AGBL4: variants seen among roughly 807,000 people sequenced by gnomAD.
AGBL4 encodes the protein cytosolic carboxypeptidase 6.
In AGBL4, 58 loss-of-function variants were observed where a neutral mutation model predicts 66.4. The ratio of observed to expected loss-of-function variants is 0.87; its 90% CI spans 0.71 to 1.09. The LOEUF is 1.09. AGBL4 is among the 50% of genes least tolerant of loss of function. AGBL4 has a pLI of 0.00. For synonymous variants in AGBL4, 234 were observed against 222.9 expected, an observed-to-expected ratio of 1.05 and a Z score of -0.44; for missense variants, 579 against 631.0, an observed-to-expected ratio of 0.92 and a Z score of 0.88.
intron 1 of AGBL4, among the ~76,000 whole-genome samples, chr1:49,966,528 G>A (rs1657577582): frequency 6.6e-6 from 1 of 152,054 alleles, no homozygotes; most frequent in African/African-American, 2.4e-5. Flanking sequence ...AGCACAGAGT[G>A]GTGATTAAAC....
chr1:50,023,803 T>C lies in AGBL4; in HGVS notation c.-7A>G. 1.3e-6 allele frequency: 2 copies of C among 1,549,268 alleles called. No individual in the cohort carries two copies. The highest frequency in any genetic ancestry group is 1.7e-6 in the Non-Finnish European group (2 of 1,146,002). On this transcript the variant is annotated 5_prime_UTR_variant, in exon 1 of 14. Transcript: ENST00000371839. ...ACTGGCTCCCCTCCGCCATTTTTGTTGTCCCTCAGTCTCCGAGCTCACGCG... is the reference window on the plus strand; with the variant it reads ...ACTGGCTCCCCTCCGCCATTTTTGTCGTCCCTCAGTCTCCGAGCTCACGCG...
At chr1:49,271,809 C>A (rs1644066819) in intron 3 of AGBL4, among the ~76,000 whole-genome samples, 1 of 152,260 alleles carries the variant, frequency 6.6e-6, no homozygotes, top group East Asian at 1.9e-4. Context: ...CCCCTTCACC[C>A]CATTTGTGGG....
chr1:49,048,547 A>G (rs186490264), intron 4 of AGBL4: 2 of 152,234 alleles, frequency 1.3e-5, no homozygotes, highest in Admixed American at 6.5e-5. Context: ...ACAGAAATCT[A>G]TTTGAGGAGG....
intron 3 of AGBL4, among the ~76,000 whole-genome samples, chr1:49,602,827 AT>A (rs1644986760): frequency 8.2e-6 from 1 of 121,368 alleles, no homozygotes; most frequent in Non-Finnish European, 1.7e-5. Context: ...AGTACAATAA[AT>A]AAATAAATAA....
chr1:49,872,243 A>C (rs936033355), intron 1 of AGBL4, among the ~76,000 whole-genome samples: 2 of 152,028 alleles, frequency 1.3e-5, no homozygotes, highest in Non-Finnish European at 2.9e-5. Context: ...CTCTCGATCT[A>C]ATTTCTCCAA....
At chr1:48,829,344 A>G (rs1443335294) in intron 6 of AGBL4, among the ~76,000 whole-genome samples, 1 of 152,252 alleles carries the variant, frequency 6.6e-6, no homozygotes, top group East Asian at 1.9e-4. Context: ...GCCGTTGGCC[A>G]CAATGCTTTA....
intron 3 of AGBL4, among the ~76,000 whole-genome samples, chr1:49,403,864 C>T (rs573101399): frequency 6.6e-6 from 1 of 152,222 alleles, no homozygotes; most frequent in East Asian, 1.9e-4. Context: ...GGGCCAACTC[C>T]AACAAACTTA....
intron 6 of AGBL4, among the ~76,000 whole-genome samples, chr1:48,688,180 T>C (rs570017541): frequency 6.3e-4 from 96 of 152,252 alleles, no homozygotes; most frequent in African/African-American, 2.2e-3. Flanking sequence ...AGGAGACATT[T>C]ATGCCACTGC....
At chr1:49,769,523 A>T (rs1457686247) in intron 2 of AGBL4, among the ~76,000 whole-genome samples, 5 of 152,220 alleles carry the variant, frequency 3.3e-5, no homozygotes, top group Non-Finnish European at 7.3e-5. Flanking sequence ...TCTAAGCAGA[A>T]AAAGAAAGAG....
chr1:49,304,092 T>C (rs935961665), intron 3 of AGBL4, among the ~76,000 whole-genome samples: 21 of 152,216 alleles, frequency 1.4e-4, no homozygotes, highest in Admixed American at 1.0e-3. Flanking sequence ...GATTTTCTTC[T>C]AGGGTTTTTA....
intron 3 of AGBL4, among the ~76,000 whole-genome samples, chr1:49,325,928 C>T (rs1207979863): frequency 6.6e-6 from 1 of 152,156 alleles, no homozygotes; most frequent in Admixed American, 6.5e-5. Context: ...TCTGCCTTTG[C>T]CTTCCACCAT....
chr1:49,669,804 T>C (rs1416338195), intron 3 of AGBL4, among the ~76,000 whole-genome samples: 1 of 152,072 alleles, frequency 6.6e-6, no homozygotes, highest in African/African-American at 2.4e-5. Context: ...AAAATTAAGT[T>C]TCCAGTGTAT....
intron 1 of AGBL4, among the ~76,000 whole-genome samples, chr1:49,857,845 G>C (rs1646472257): frequency 6.6e-6 from 1 of 151,930 alleles, no homozygotes; most frequent in Non-Finnish European, 1.5e-5. Flanking sequence ...ACAGGCAACA[G>C]AAACAAAAAT....
chr1:49,638,753 C>A lies in AGBL4; in HGVS notation c.282+58560G>T, dbSNP rs898237781. Among the ~76,000 whole-genome samples, 4 of 152,186 alleles carry A rather than the reference C, an allele frequency of 2.6e-5. No homozygotes were observed. The South Asian group carries it at 6.2e-4, about 24-fold the overall frequency. On this transcript the variant is annotated intron_variant, in intron 3 of 13. Coordinates refer to ENST00000371839, the MANE Select transcript of AGBL4 (RefSeq NM_032785.4). ...TGCTGTGATTGTGAGGCCTTCCCAG[C>A]CATGTGGAACCATGAGTCCACTAAA...
At chr1:50,013,463 T>C (rs1223112881) in intron 1 of AGBL4, among the ~76,000 whole-genome samples, 1 of 152,156 alleles carries the variant, frequency 6.6e-6, no homozygotes, top group African/African-American at 2.4e-5. Context: ...GTGATGCAAA[T>C]TAAAGACCCC....
At chr1:49,245,581 C>T (rs2148328438) in intron 4 of AGBL4, among the ~76,000 whole-genome samples, 189 bp downstream of exon 4, 1 of 151,952 alleles carries the variant, frequency 6.6e-6, no homozygotes, top group East Asian at 1.9e-4. Context: ...AACTCATCCT[C>T]ATTCTTCTCA....
intron 3 of AGBL4, among the ~76,000 whole-genome samples, chr1:49,262,201 A>G (rs1211067452): frequency 3.3e-5 from 5 of 152,212 alleles, no homozygotes; most frequent in Non-Finnish European, 5.9e-5. Flanking sequence ...TAAAACCATA[A>G]AAACCCTAGA....
chr1:49,393,246 T>C (rs1038624700), intron 3 of AGBL4, among the ~76,000 whole-genome samples: 3 of 152,088 alleles, frequency 2.0e-5, no homozygotes, highest in Non-Finnish European at 4.4e-5. Context: ...AGTAAAATAA[T>C]AAATATAACA....
intron 3 of AGBL4, among the ~76,000 whole-genome samples, chr1:49,336,959 T>C (rs1557850815): frequency 6.6e-6 from 1 of 152,156 alleles, no homozygotes; most frequent in Non-Finnish European, 1.5e-5. Context: ...ATTAAGTAGG[T>C]GCTCAGAGGA....
Sources: gnomAD v4.1 joint callset for allele counts (sites outside exome capture counted in the v4.1 genomes callset) on GRCh38, gnomAD v4.1.1 for gene constraint, MANE v1.5 for transcripts, NCBI Gene and HGNC (gene_info 2026-07-23, HGNC 2026-07-21) for gene names.